Variants in WNK1 observed in about 807,000 individuals in gnomAD.
The protein encoded by WNK1 is WNK lysine deficient protein kinase 1.
Under a neutral mutation model 222.8 loss-of-function variants are expected in WNK1, and 38 were observed. That is an observed-to-expected ratio of 0.17 (90% CI 0.13 to 0.22). The LOEUF is 0.22. Among genes scored for constraint, WNK1 ranks in the 10% least tolerant of loss-of-function variants. The pLI, the probability that WNK1 is intolerant of heterozygous loss-of-function variation, is 1.00. For synonymous variants in WNK1, 1,090 were observed against 1,092.9 expected, an observed-to-expected ratio of 1.00 and a Z score of 0.05; for missense variants, 2,348 against 2,918.4, an observed-to-expected ratio of 0.80 and a Z score of 4.50.
chr12:878,725 C>T (rs2154079421), intron 10 of WNK1, among the ~76,000 whole-genome samples: 1 of 149,062 alleles, frequency 6.7e-6, no homozygotes, highest in African/African-American at 2.4e-5. Context: ...GTCTGATATT[C>T]TAGGTTTGAA....
chr12:839,634 G>T (rs1053745128), intron 4 of WNK1, among the ~76,000 whole-genome samples: 1 of 151,958 alleles, frequency 6.6e-6, no homozygotes, highest in African/African-American at 2.4e-5. Context: ...TGATTGTGAG[G>T]TTAAATATAT....
Position 825,799 on chromosome 12 carries a change from G to A in WNK1, c.933-1243G>A, listed in dbSNP as rs78706084. ...ATATCATATATATCACAGTATTATA[G>A]ATTTTCCTTTAACCAATCATGTGTG... On this transcript the variant is annotated intron_variant, in intron 2 of 27. Coordinates refer to ENST00000315939, the MANE Select transcript of WNK1 (RefSeq NM_018979.4). 4.3e-3 allele frequency among the ~76,000 whole-genome samples: 654 copies of A among 152,226 alleles called. 3 individuals are homozygous for A. The highest frequency in any genetic ancestry group is 7.5e-3 in the Non-Finnish European group (512 of 68,020).
intron 8 of WNK1, among the ~76,000 whole-genome samples, chr12:869,747 A>C (rs1335149192): frequency 6.6e-6 from 1 of 152,108 alleles, no homozygotes; most frequent in Admixed American, 6.5e-5. Flanking sequence ...TCCAAATAAA[A>C]TGCTAATTCA....
At chr12:813,880 G>C in intron 2 of WNK1, 66 bp downstream of exon 2, 2 of 1,544,936 alleles carry the variant, frequency 1.3e-6, no homozygotes, top group South Asian at 2.3e-5. Context: ...TTAAATTTCA[G>C]GTCTACCAGT....
chr12:878,897 G>A (rs1449678686), intron 10 of WNK1, among the ~76,000 whole-genome samples: 1 of 151,816 alleles, frequency 6.6e-6, no homozygotes, highest in East Asian at 1.9e-4. Context: ...GTGCATGTAT[G>A]TGCACAGTGT....
chr12:790,069 T>A (rs1944690327), intron 1 of WNK1, among the ~76,000 whole-genome samples: 1 of 152,052 alleles, frequency 6.6e-6, no homozygotes, highest in Non-Finnish European at 1.5e-5. Context: ...TTAAACCAAA[T>A]AAAGGATTAT....
rs1373794805 is a variant in WNK1, at chr12:885,481, T to G, written c.4677T>G (p.Ser1559Arg). ...CCTCTCCTGGAGCAGGAGTGTCTAG[T>G]TATATTTCTCAGCCTGGTGGGCTGC... ...SSSSPGAGVSSYISQPGGLHP... is the reference protein window; with the variant it reads ...SSSSPGAGVSRYISQPGGLHP... The change falls in exon 19 of 28, where the codon AGT (serine) becomes AGG (arginine). Residue 1559 changes from serine to arginine, a missense_variant. Ser to Arg is a moderately radical substitution (Grantham distance 110, BLOSUM62 -1). Transcript: ENST00000315939. 6 of 1,613,900 alleles carry G rather than the reference T, an allele frequency of 3.7e-6. No individual in the cohort carries two copies. The highest frequency in any genetic ancestry group is 5.1e-6 in the Non-Finnish European group (6 of 1,180,032).
chr12:821,768 A>G (rs1272575566), intron 2 of WNK1, among the ~76,000 whole-genome samples: 1 of 152,098 alleles, frequency 6.6e-6, no homozygotes, highest in Non-Finnish European at 1.5e-5. Flanking sequence ...TGGCCCTTTT[A>G]TCAATACATC....
At chr12:794,646 A>G (rs1945143629) in intron 1 of WNK1, among the ~76,000 whole-genome samples, 1 of 152,202 alleles carries the variant, frequency 6.6e-6, no homozygotes, top group Non-Finnish European at 1.5e-5. Context: ...GATAAATCCC[A>G]TGTGGCCATG....
intron 1 of WNK1, among the ~76,000 whole-genome samples, chr12:803,660 C>T (rs1242380534): frequency 1.3e-5 from 2 of 152,092 alleles, no homozygotes; most frequent in Admixed American, 6.5e-5. Context: ...TCGCTTGAAC[C>T]CAGGAAGCAG....
intron 1 of WNK1, among the ~76,000 whole-genome samples, chr12:782,269 A>C (rs1361149740): frequency 1.3e-5 from 2 of 152,216 alleles, no homozygotes; most frequent in Non-Finnish European, 2.9e-5. Flanking sequence ...AAGTAGTTAC[A>C]TTGCTGGGTG....
intron 25 of WNK1, 106 bp downstream of exon 25, chr12:897,787 G>T (rs1954876765): frequency 1.6e-6 from 2 of 1,234,056 alleles, no homozygotes; most frequent in Admixed American, 4.1e-5. Flanking sequence ...AATTTCAAAG[G>T]AATTTGGCTC....
intron 2 of WNK1, among the ~76,000 whole-genome samples, chr12:816,995 A>G (rs748354958): frequency 7.2e-5 from 11 of 152,260 alleles, no homozygotes; most frequent in Non-Finnish European, 1.6e-4. Context: ...AAAGACAGGC[A>G]TAATTTAAAA....
chr12:804,711 A>G (rs1256889090), intron 1 of WNK1, among the ~76,000 whole-genome samples: 2 of 151,658 alleles, frequency 1.3e-5, no homozygotes, highest in Non-Finnish European at 2.9e-5. Flanking sequence ...CTGAGTCCCC[A>G]TTGTCCCCTT....
In WNK1 at chr12:910,421, T is replaced by C. The variant is rs1190715586; in HGVS notation, c.*1629T>C. ...TTTATTTCTAGAAGTACAACTAATA[T>C]GTTCACATTTTCAAATAAATAATAC... On this transcript the variant is annotated 3_prime_UTR_variant, in exon 28 of 28. Transcript: ENST00000315939. 6.6e-6 allele frequency: 1 copy of C among 152,226 alleles called. No homozygotes were observed. Among genetic ancestry groups the C allele is most frequent in the Non-Finnish European group, 1.5e-5 (1 of 68,048 alleles). The allele number at this position is 152,226 out of a possible 1,614,324, so 9.4% of individuals were successfully genotyped here. A position where few individuals can be genotyped will look rare whatever the true frequency, so the allele number is the denominator to read the frequency against.
At position 878,367 on chromosome 12, in the gene WNK1, CTT is replaced by C. The variant is rs5795952; in HGVS notation, c.2373+20_2373+21del. ...AAGTATCAGCTGGAAAACAGGTAAA[CTT>C]TTTTTTTTTTTTTAAACAGGTAAAC... is the stretch of plus-strand genomic sequence containing the variant. On this transcript the variant is annotated splice_region_variant and intron_variant, in intron 10 of 27. Coordinates refer to ENST00000315939, the MANE Select transcript of WNK1 (RefSeq NM_018979.4). 8.9e-5 allele frequency: 130 copies of C among 1,461,946 alleles called. No individual in the cohort carries two copies. Among genetic ancestry groups the C allele is most frequent in the Admixed American group, 2.0e-4 (11 of 55,090 alleles). The allele number at this position is 1,461,946 out of a possible 1,614,324, so 90.6% of individuals were successfully genotyped here.
intron 1 of WNK1, among the ~76,000 whole-genome samples, chr12:804,093 T>C (rs1946126225): frequency 6.6e-6 from 1 of 152,202 alleles, no homozygotes; most frequent in East Asian, 1.9e-4. Context: ...CTCATGTACC[T>C]CAAGTCCTTA....
At chr12:908,180 C>T in intron 27 of WNK1, 146 bp downstream of exon 27, 1 of 1,094,840 alleles carries the variant, frequency 9.1e-7, no homozygotes, top group Non-Finnish European at 1.3e-6. Flanking sequence ...CCCCCAGGTA[C>T]CCTTTTATTT....
At position 909,488 on chromosome 12, in the gene WNK1, G is replaced by A. The variant is rs1955946375; in HGVS notation, c.*696G>A. ...GTGGAAACACTGTGATATATAAAAT[G>A]TTGTTGGACAACAGTAGTTTTAAGA... On this transcript the variant is annotated 3_prime_UTR_variant, in exon 28 of 28. Coordinates refer to ENST00000315939, the MANE Select transcript of WNK1 (RefSeq NM_018979.4). 1 of 152,246 alleles carries A rather than the reference G, an allele frequency of 6.6e-6. No individual in the cohort carries two copies. Among genetic ancestry groups the A allele is most frequent in the South Asian group, 2.1e-4 (1 of 4,826 alleles). The allele number at this position is 152,246 out of a possible 1,614,324, so 9.4% of individuals were successfully genotyped here. A position where few individuals can be genotyped will look rare whatever the true frequency, so the allele number is the denominator to read the frequency against.
Sources: gnomAD v4.1 joint callset for allele counts (sites outside exome capture counted in the v4.1 genomes callset) on GRCh38, gnomAD v4.1.1 for gene constraint, MANE v1.5 for transcripts, NCBI Gene and HGNC (gene_info 2026-07-23, HGNC 2026-07-21) for gene names.